ADAMTS17: variants seen among roughly 807,000 people sequenced by gnomAD.
ADAMTS17 encodes A disintegrin and metalloproteinase with thrombospondin motifs 17.
In ADAMTS17, 113 loss-of-function variants were observed where a neutral mutation model predicts 141.5. The observed-to-expected ratio is 0.80, with a 90% CI of 0.69 to 0.93. The LOEUF (loss-of-function observed/expected upper bound fraction) is 0.93. Ranked by LOEUF, ADAMTS17 falls within the 40% of genes least tolerant of loss-of-function variation. The probability of loss-of-function intolerance (pLI) is 0.00; values close to 1 mark genes in which losing one functional copy is unlikely to be tolerated. For missense variants in ADAMTS17, 1,659 were observed against 1,517.9 expected, an observed-to-expected ratio of 1.09 and a Z score of -1.54; for synonymous variants, 768 against 630.6, an observed-to-expected ratio of 1.22 and a Z score of -3.27.
chr15:100,320,516 C>T (rs553658275), intron 3 of ADAMTS17, among the ~76,000 whole-genome samples: 1 of 152,300 alleles, frequency 6.6e-6, no homozygotes, highest in East Asian at 1.9e-4. Context: ...TAGGATTCCA[C>T]ATTTGGATAA....
intron 7 of ADAMTS17, among the ~76,000 whole-genome samples, chr15:100,237,745 T>TC (rs2042704133): frequency 6.6e-6 from 1 of 152,160 alleles, no homozygotes; most frequent in Non-Finnish European, 1.5e-5. Flanking sequence ...TGTCTCCGCC[T>TC]CCCAAGTAGC....
intron 7 of ADAMTS17, among the ~76,000 whole-genome samples, chr15:100,203,208 T>C (rs1004885066): frequency 6.6e-6 from 1 of 152,172 alleles, no homozygotes; most frequent in African/African-American, 2.4e-5. Flanking sequence ...AAATGGTGGC[T>C]CACTCCAACT....
intron 3 of ADAMTS17, among the ~76,000 whole-genome samples, chr15:100,314,651 A>AACAG (rs2141874830): frequency 6.6e-6 from 1 of 152,372 alleles, no homozygotes; most frequent in South Asian, 2.1e-4. Flanking sequence ...GGACAAGGAT[A>AACAG]ACAGAGCAAA....
chr15:100,067,341 C>T (rs1163981872), intron 15 of ADAMTS17, among the ~76,000 whole-genome samples: 1 of 152,158 alleles, frequency 6.6e-6, no homozygotes, highest in African/African-American at 2.4e-5. Flanking sequence ...AGAAGGCAGC[C>T]ATCATTCTAA....
Position 99,973,938 on chromosome 15 carries a change from G to C in ADAMTS17, c.*464C>G. The C allele has an allele frequency of 4.2e-6, 1 of 240,154 alleles. No homozygotes were observed. Among genetic ancestry groups the C allele is most frequent in the Non-Finnish European group, 8.2e-6 (1 of 121,250 alleles). 14.9% of individuals were successfully genotyped at this position (240,154 alleles called of 1,614,324 possible). Reference sequence around the variant, plus strand: ...GCCCGGCCCTCCCCAGAGAAGCCACGGGCAGAGGCTCACCAACACCTGCCC... The same window carrying C: ...GCCCGGCCCTCCCCAGAGAAGCCACCGGCAGAGGCTCACCAACACCTGCCC... On this transcript the variant is annotated 3_prime_UTR_variant, in exon 22 of 22. Coordinates refer to ENST00000268070, the MANE Select transcript of ADAMTS17 (RefSeq NM_139057.4).
chr15:100,278,783 T>A (rs2044188155), intron 4 of ADAMTS17, among the ~76,000 whole-genome samples: 1 of 152,200 alleles, frequency 6.6e-6, no homozygotes, highest in South Asian at 2.1e-4. Flanking sequence ...GGGCCCAGGA[T>A]TGGGGTCCTC....
At chr15:100,308,628 G>C (rs968628851) in intron 3 of ADAMTS17, among the ~76,000 whole-genome samples, 2 of 152,100 alleles carry the variant, frequency 1.3e-5, no homozygotes, top group African/African-American at 4.8e-5. Flanking sequence ...AATCTGTACT[G>C]TCAGTGTTGG....
intron 3 of ADAMTS17, among the ~76,000 whole-genome samples, chr15:100,289,523 C>CACACACAT (rs764706894): frequency 9.4e-4 from 134 of 143,242 alleles, no homozygotes; most frequent in Non-Finnish European, 8.5e-4. Flanking sequence ...ACCTTGCAGA[C>CACACACAT]ACACACATAC....
intron 3 of ADAMTS17, among the ~76,000 whole-genome samples, chr15:100,307,899 C>T (rs938361633): frequency 6.6e-6 from 1 of 152,204 alleles, no homozygotes; most frequent in East Asian, 1.9e-4. Context: ...CAGAAAGAGT[C>T]CAATCATCAC....
At chr15:99,980,839 C>T (rs1489730066) in intron 20 of ADAMTS17, 2 of 152,256 alleles carry the variant, frequency 1.3e-5, no homozygotes, top group Non-Finnish European at 2.9e-5. Flanking sequence ...GGTGACCTTG[C>T]AGACGTGTCC....
At chr15:100,140,187 G>C (rs2038555426) in intron 10 of ADAMTS17, among the ~76,000 whole-genome samples, 1 of 151,800 alleles carries the variant, frequency 6.6e-6, no homozygotes, top group Non-Finnish European at 1.5e-5. Context: ...GTAGAGATGG[G>C]GTTTCACCAT....
At chr15:100,332,441 C>A (rs914322284) in intron 2 of ADAMTS17, among the ~76,000 whole-genome samples, 3 of 152,184 alleles carry the variant, frequency 2.0e-5, no homozygotes, top group Non-Finnish European at 4.4e-5. Context: ...CGTGGGAGGA[C>A]CCCCCACCTG....
chr15:100,333,895 G>C (rs2046129165), intron 2 of ADAMTS17, among the ~76,000 whole-genome samples: 1 of 152,234 alleles, frequency 6.6e-6, no homozygotes, highest in Admixed American at 6.5e-5. Flanking sequence ...GACAGAACTG[G>C]CAGCCCTGAA....
At chr15:100,162,996 ATGTATATATG>A (rs1364795717) in intron 8 of ADAMTS17, among the ~76,000 whole-genome samples, 4 of 143,202 alleles carry the variant, frequency 2.8e-5, no homozygotes, top group South Asian at 2.1e-4. Flanking sequence ...ATAACTATAT[ATGTATATATG>A]TGTATATATA....
chr15:100,297,747 A>G (rs1045388249), intron 3 of ADAMTS17, among the ~76,000 whole-genome samples: 2 of 152,178 alleles, frequency 1.3e-5, no homozygotes, highest in African/African-American at 2.4e-5. Flanking sequence ...TCAAGAAGCA[A>G]GGGAATACTT....
chr15:100,259,019 C>G (rs2043426149), intron 6 of ADAMTS17, among the ~76,000 whole-genome samples: 1 of 141,714 alleles, frequency 7.1e-6, no homozygotes, highest in Non-Finnish European at 1.5e-5. Flanking sequence ...AATGAAACAG[C>G]AGGAAAGAGA....
intron 7 of ADAMTS17, among the ~76,000 whole-genome samples, chr15:100,235,103 G>A (rs976765027): frequency 6.6e-6 from 1 of 152,204 alleles, no homozygotes; most frequent in Non-Finnish European, 1.5e-5. Context: ...TCGAGAACAG[G>A]AAGGCAGACG....
At chr15:100,234,772 C>G (rs973302376) in intron 7 of ADAMTS17, among the ~76,000 whole-genome samples, 2 of 152,178 alleles carry the variant, frequency 1.3e-5, no homozygotes, top group Non-Finnish European at 2.9e-5. Flanking sequence ...CTCCGGGAAA[C>G]CTTCCATTCC....
intron 10 of ADAMTS17, among the ~76,000 whole-genome samples, chr15:100,135,694 C>T (rs1477111243): frequency 6.6e-6 from 1 of 152,154 alleles, no homozygotes; most frequent in Non-Finnish European, 1.5e-5. Context: ...GTATCCAAAA[C>T]ATGATTTAAA....
Sources: gnomAD v4.1 joint callset for allele counts (sites outside exome capture counted in the v4.1 genomes callset) on GRCh38, gnomAD v4.1.1 for gene constraint, MANE v1.5 for transcripts, NCBI Gene and HGNC (gene_info 2026-07-23, HGNC 2026-07-21) for gene names.